SESN2: variants seen among roughly 807,000 people sequenced by gnomAD.
SESN2 encodes the protein sestrin-2.
Under a neutral mutation model 56.0 loss-of-function variants are expected in SESN2, and 42 were observed. The ratio of observed to expected loss-of-function variants is 0.75; its 90% CI spans 0.59 to 0.97. The LOEUF (loss-of-function observed/expected upper bound fraction) is 0.97. SESN2 is among the 50% of genes least tolerant of loss of function. SESN2 has a pLI of 0.00. For synonymous variants in SESN2, 264 were observed against 267.1 expected, an observed-to-expected ratio of 0.99 and a Z score of 0.11; for missense variants, 507 against 649.4, an observed-to-expected ratio of 0.78 and a Z score of 2.38.
At chr1:28,279,038 G>T in intron 8 of SESN2, 59 bp from the exon 9 acceptor site, 1 of 1,574,450 alleles carries the variant, frequency 6.4e-7, no homozygotes, top group Non-Finnish European at 8.7e-7. Flanking sequence ...GGGGTTGCGG[G>T]GAGGGAGCTG....
chr1:28,264,310 C>T (rs1199149859), intron 1 of SESN2, among the ~76,000 whole-genome samples: 1 of 151,658 alleles, frequency 6.6e-6, no homozygotes, highest in African/African-American at 2.4e-5. Flanking sequence ...CAGAGCGAGA[C>T]TCCATCTCAA....
chr1:28,268,588 C>A (rs1387003436), intron 1 of SESN2, among the ~76,000 whole-genome samples: 2 of 151,688 alleles, frequency 1.3e-5, no homozygotes, highest in Non-Finnish European at 2.9e-5. Flanking sequence ...TCGCTTGAAC[C>A]CAGGAGGCAG....
intron 2 of SESN2, among the ~76,000 whole-genome samples, chr1:28,271,013 CTG>C (rs1369001822): frequency 6.6e-6 from 1 of 151,912 alleles, no homozygotes; most frequent in Admixed American, 6.6e-5. Flanking sequence ...GGGACCCCGT[CTG>C]TATTAAAAAA....
intron 1 of SESN2, among the ~76,000 whole-genome samples, chr1:28,264,476 A>T (rs1464721131): frequency 6.6e-6 from 1 of 152,108 alleles, no homozygotes; most frequent in Non-Finnish European, 1.5e-5. Flanking sequence ...GTTTAGTTGA[A>T]ATTATAAAAA....
chr1:28,262,724 T>C (rs7548469), intron 1 of SESN2, among the ~76,000 whole-genome samples: 59,452 of 151,304 alleles, frequency 0.39, 13,670 homozygotes, highest in African/African-American at 0.64. Flanking sequence ...GTCAGGAGAT[T>C]GAGACCATTC....
At chr1:28,268,266 A>C (rs1557731522) in intron 1 of SESN2, among the ~76,000 whole-genome samples, 1 of 152,082 alleles carries the variant, frequency 6.6e-6, no homozygotes, top group East Asian at 1.9e-4. Context: ...ACAGATAAGC[A>C]GCCAGGCATG....
chr1:28,280,483 G>A (rs905145274), intron 9 of SESN2, among the ~76,000 whole-genome samples: 1 of 152,242 alleles, frequency 6.6e-6, no homozygotes, highest in African/African-American at 2.4e-5. Context: ...TGGGATTACA[G>A]GCGTGAGCCA....
chr1:28,270,122 C>T (rs1305542713), intron 2 of SESN2, among the ~76,000 whole-genome samples: 1 of 152,154 alleles, frequency 6.6e-6, no homozygotes, highest in African/African-American at 2.4e-5. Flanking sequence ...GAGGCCGAGG[C>T]GGGCGGATCA....
At chr1:28,272,964 TAAA>T (rs1206670598) in intron 5 of SESN2, among the ~76,000 whole-genome samples, 171 bp downstream of exon 5, 1 of 152,206 alleles carries the variant, frequency 6.6e-6, no homozygotes, top group African/African-American at 2.4e-5. Context: ...AATGGGGAGA[TAAA>T]GACCCTCTAC....
At chr1:28,263,493 G>A (rs933202912) in intron 1 of SESN2, among the ~76,000 whole-genome samples, 11 of 152,204 alleles carry the variant, frequency 7.2e-5, no homozygotes, top group Non-Finnish European at 1.3e-4. Flanking sequence ...TCAGCTGGGG[G>A]TGAGGGAAGG....
At chr1:28,276,570 CTTTTTTTTTTTT>C (rs57474365) in intron 8 of SESN2, among the ~76,000 whole-genome samples, 7 of 94,734 alleles carry the variant, frequency 7.4e-5, no homozygotes, top group African/African-American at 2.3e-4. Context: ...TTTTTCTTTC[CTTTTTTTTTTTT>C]TTTTTTTTTT....
chr1:28,269,222 C>T lies in SESN2; in HGVS notation c.130C>T (p.Pro44Ser), dbSNP rs777903541. ...ESRARRGPRG[P>S]SAFIPVEEVL... ...CCGGGCTCGGCGAGGCCCTCGAGGG[C>T]CCAGCGCCTTCATCCCCGTGGAGGA... The change falls in exon 2 of 10, where the codon CCC (proline) becomes TCC (serine). Residue 44 changes from proline (P) to serine (S), a missense_variant. Coordinates refer to ENST00000253063, the MANE Select transcript of SESN2 (RefSeq NM_031459.5). 6 of 1,612,826 alleles carry T rather than the reference C, an allele frequency of 3.7e-6. No homozygotes were observed. Among genetic ancestry groups the T allele is most frequent in the Admixed American group, 3.3e-5 (2 of 59,880 alleles).
rs542744724 is a variant in SESN2 at position 28,275,093 on chromosome 1, T to C, written c.1211+78T>C. The C allele has an allele frequency of 1.6e-5, 17 of 1,085,694 alleles. No homozygotes were observed. In the East Asian group the frequency reaches 4.0e-4, roughly 25 times the overall value. The allele number at this position is 1,085,694 out of a possible 1,614,324, so 67.3% of individuals were successfully genotyped here. ...TGGGTTCACAGTTGTTTCCATTTTCTTTTTGTTTTTTTCTTTTCCTTTCTT... is the reference window on the plus strand; with the variant it reads ...TGGGTTCACAGTTGTTTCCATTTTCCTTTTGTTTTTTTCTTTTCCTTTCTT... On this transcript the variant is annotated intron_variant, in intron 8 of 9. Transcript: ENST00000253063.
In SESN2 at chr1:28,259,590, A is replaced by T; in HGVS notation, c.-258A>T. On this transcript the variant is annotated 5_prime_UTR_variant, in exon 1 of 10. Transcript: ENST00000253063. ...CAGCCCTGGCCCCTGCGGACTTCCGAGGCCGTGAAAACCCCTGCGCTGCGG... is the reference window on the plus strand; with the variant it reads ...CAGCCCTGGCCCCTGCGGACTTCCGTGGCCGTGAAAACCCCTGCGCTGCGG... The T allele has an allele frequency of 2.5e-6, 1 of 395,388 alleles. No individual in the cohort carries two copies. The highest frequency in any genetic ancestry group is 4.5e-6 in the Non-Finnish European group (1 of 221,502). The allele number at this position is 395,388 out of a possible 1,614,324, so 24.5% of individuals were successfully genotyped here. A position where few individuals can be genotyped will look rare whatever the true frequency, so the allele number is the denominator to read the frequency against.
At position 28,272,792 on chromosome 1, in the gene SESN2, G is replaced by A. The variant is rs1345330241; in HGVS notation, c.749G>A (p.Gly250Glu). The change falls in exon 5 of 10, where the codon GGG becomes GAG. Residue 250 changes from glycine to glutamate, a missense_variant and splice_region_variant. Physicochemically the swap from Gly to Glu is moderately conservative, Grantham distance 98. Coordinates refer to ENST00000253063, the MANE Select transcript of SESN2 (RefSeq NM_031459.5). ...PPSRDPLNNSGGFESARDVEA... is the reference protein window; with the variant it reads ...PPSRDPLNNSEGFESARDVEA... The stretch of plus-strand genomic sequence containing the variant: ...AGCAGGGACCCGTTGAACAACTCTG[G>A]GGTAAGTCACGGGCCTGGGTCTTGA... 13 of 1,579,632 alleles carry A rather than the reference G, an allele frequency of 8.2e-6. No individual in the cohort carries two copies. The highest frequency in any genetic ancestry group is 1.1e-5 in the Non-Finnish European group (13 of 1,156,680).
intron 1 of SESN2, among the ~76,000 whole-genome samples, chr1:28,263,008 C>G (rs74064115): frequency 0.01 from 1,550 of 152,292 alleles, 28 homozygotes; most frequent in African/African-American, 0.036. Flanking sequence ...AGATAAGTCC[C>G]CTTGCACACC....
At chr1:28,267,253 C>T (rs1647589252) in intron 1 of SESN2, among the ~76,000 whole-genome samples, 1 of 152,120 alleles carries the variant, frequency 6.6e-6, no homozygotes, top group African/African-American at 2.4e-5. Context: ...CCCGGAAGTT[C>T]CCAGAAGTGT....
At chr1:28,260,854 C>G (rs952495138) in intron 1 of SESN2, among the ~76,000 whole-genome samples, 7 of 152,046 alleles carry the variant, frequency 4.6e-5, no homozygotes, top group Admixed American at 1.3e-4. Context: ...TATTATGCAC[C>G]TACTAGATAC....
At chr1:28,276,643 G>C (rs1192243366) in intron 8 of SESN2, among the ~76,000 whole-genome samples, 1 of 129,034 alleles carries the variant, frequency 7.7e-6, no homozygotes, top group Non-Finnish European at 1.6e-5. Context: ...GCAATGGGGT[G>C]ATCTCAGCTC....
Sources: allele counts gnomAD v4.1 joint callset (sites outside exome capture counted in the v4.1 genomes callset), GRCh38; gene constraint gnomAD v4.1.1; transcripts MANE v1.5; gene names NCBI Gene and HGNC (gene_info 2026-07-23, HGNC 2026-07-21).